Variants in NWD1 observed in about 807,000 individuals in gnomAD.
The protein encoded by NWD1 is NACHT and WD repeat domain containing 1.
NWD1 carries 129 observed loss-of-function variants against 135.1 expected under a neutral mutation model. The observed-to-expected ratio is 0.96, with a 90% CI of 0.83 to 1.11. The LOEUF is 1.11. Among genes scored for constraint, NWD1 ranks in the 50% least tolerant of loss-of-function variants. NWD1 has a pLI of 0.00. For synonymous variants in NWD1, 773 were observed against 786.0 expected (o/e 0.98, Z 0.28); for missense variants, 1,740 against 1,851.3 (o/e 0.94, Z 1.10).
chr19:16,746,036 C>T (rs192533471), intron 5 of NWD1, among the ~76,000 whole-genome samples: 317 of 152,186 alleles, frequency 2.1e-3, no homozygotes, highest in African/African-American at 7.2e-3. Context: ...TCCCCCAAAA[C>T]GTAACTACTA....
intron 17 of NWD1, among the ~76,000 whole-genome samples, chr19:16,806,495 G>A (rs1359789081): frequency 6.6e-6 from 1 of 152,152 alleles, no homozygotes. Flanking sequence ...AAAGGTGGGA[G>A]GATCGTTTGA....
At chr19:16,735,151 T>A (rs1480245070) in intron 3 of NWD1, among the ~76,000 whole-genome samples, 1 of 152,130 alleles carries the variant, frequency 6.6e-6, no homozygotes, top group Non-Finnish European at 1.5e-5. Flanking sequence ...CCCCACACTC[T>A]GTGTCTCCTA....
At chr19:16,754,696 A>T (rs1205277318) in intron 6 of NWD1, among the ~76,000 whole-genome samples, 1 of 135,258 alleles carries the variant, frequency 7.4e-6, no homozygotes, top group Admixed American at 7.4e-5. Flanking sequence ...TCCATCCATC[A>T]TCTCTAGCAT....
chr19:16,793,737 C>T (rs565185514), intron 14 of NWD1, among the ~76,000 whole-genome samples: 7 of 151,568 alleles, frequency 4.6e-5, no homozygotes, highest in South Asian at 4.2e-4. Flanking sequence ...CCACCACGCC[C>T]GGCTAATTTT....
intron 13 of NWD1, among the ~76,000 whole-genome samples, 193 bp from the exon 14 acceptor site, chr19:16,791,157 C>T (rs1446777306): frequency 6.6e-6 from 1 of 152,058 alleles, no homozygotes; most frequent in Non-Finnish European, 1.5e-5. Context: ...TTGCTTGAGC[C>T]CAGGAGGTCG....
rs767138410 is a variant in NWD1, at chr19:16,739,576, TC to T, written c.198+2828del. On this transcript the variant is annotated intron_variant, in intron 4 of 18. Transcript: ENST00000524140. ...AGCTGAGCTGGACTTCCTTCCTGCT[TC>T]CATCTTGAACCAGGCATCACCCCTC... Among the ~76,000 whole-genome samples the T allele has an allele frequency of 7.2e-5, 11 of 152,140 alleles. No homozygotes were observed. In the East Asian group the frequency reaches 7.7e-4, roughly 11 times the overall value.
intron 2 of NWD1, among the ~76,000 whole-genome samples, chr19:16,727,061 G>C (rs1425589689): frequency 6.6e-6 from 1 of 152,178 alleles, no homozygotes; most frequent in Admixed American, 6.6e-5. Context: ...TTTCTTGTCT[G>C]GGCTGTGGGG....
chr19:16,745,541 C>A (rs892701176), intron 5 of NWD1, among the ~76,000 whole-genome samples: 7 of 139,208 alleles, frequency 5.0e-5, no homozygotes, highest in African/African-American at 1.9e-4. Context: ...CCAGCCTGGG[C>A]AATATAGTGA....
chr19:16,737,990 G>GAAAAT (rs1372955980), intron 4 of NWD1, among the ~76,000 whole-genome samples: 1 of 150,516 alleles, frequency 6.6e-6, no homozygotes, highest in East Asian at 1.9e-4. Context: ...GAAAAGAAAA[G>GAAAAT]AAAAGAAAAG....
chr19:16,817,164 G>A lies in NWD1; in HGVS notation c.*2125G>A, dbSNP rs1971087808. 6.6e-6 allele frequency: 1 copy of A among 152,120 alleles called. No individual in the cohort carries two copies. Among genetic ancestry groups the A allele is most frequent in the African/African-American group, 2.4e-5 (1 of 41,414 alleles). 9.4% of individuals were successfully genotyped at this position (152,120 alleles called of 1,614,324 possible). On this transcript the variant is annotated 3_prime_UTR_variant, in exon 19 of 19. Coordinates refer to ENST00000524140, the MANE Select transcript of NWD1 (RefSeq NM_001007525.5). ...AAAATACAAAAATCAGCCAGGCATG[G>A]TGGTGAGTGCCTGTAATCTCAGTTA...
At chr19:16,812,807 G>C (rs755185898) in intron 18 of NWD1, 1 of 781,080 alleles carries the variant, frequency 1.3e-6, no homozygotes, top group Non-Finnish European at 2.4e-6. Context: ...ATGTGTACGT[G>C]GGCTTAAAGG....
chr19:16,759,669 G>T (rs1599480603), intron 7 of NWD1, among the ~76,000 whole-genome samples: 3 of 152,156 alleles, frequency 2.0e-5, no homozygotes, highest in African/African-American at 7.2e-5. Flanking sequence ...TGGAGGCCAG[G>T]AGTTGGAGAT....
chr19:16,806,605 G>A (rs960240816), intron 17 of NWD1, among the ~76,000 whole-genome samples: 1 of 152,202 alleles, frequency 6.6e-6, no homozygotes, highest in South Asian at 2.1e-4. Context: ...CAGTTACTTG[G>A]GGGGCTGAGG....
At chr19:16,729,407 C>T (rs1399785247) in intron 2 of NWD1, among the ~76,000 whole-genome samples, 2 of 151,978 alleles carry the variant, frequency 1.3e-5, no homozygotes, top group African/African-American at 4.8e-5. Context: ...TCCCTCTTCT[C>T]CTTCTTATTC....
intron 12 of NWD1, among the ~76,000 whole-genome samples, chr19:16,785,701 CATA>C (rs1345869150): frequency 1.4e-5 from 2 of 147,778 alleles, no homozygotes; most frequent in African/African-American, 5.0e-5. Flanking sequence ...GTATGTAAAA[CATA>C]ATATATATGT....
chr19:16,797,724 C>A lies in NWD1; in HGVS notation c.3305-8C>A, dbSNP rs753043575. On this transcript the variant is annotated splice_region_variant and splice_polypyrimidine_tract_variant and intron_variant, in intron 15 of 18. Transcript: ENST00000524140. ...TGAGAGGTGTAACCCCAGTTCCTGCCGTTTCAGGCTTTGGAAGATCGGTGC... is the reference window on the plus strand; with the variant it reads ...TGAGAGGTGTAACCCCAGTTCCTGCAGTTTCAGGCTTTGGAAGATCGGTGC... The A allele has an allele frequency of 6.2e-7, 1 of 1,612,418 alleles. No homozygotes were observed. The highest frequency in any genetic ancestry group is 1.1e-5 in the South Asian group (1 of 90,838).
intron 10 of NWD1, among the ~76,000 whole-genome samples, chr19:16,769,458 T>C (rs1480495624): frequency 1.2e-5 from 1 of 81,664 alleles, no homozygotes; most frequent in Admixed American, 1.2e-4. Flanking sequence ...CAAAATTCCA[T>C]TAAAAAAAAA....
chr19:16,764,492 C>T (rs1337422694), intron 9 of NWD1, among the ~76,000 whole-genome samples: 1 of 151,740 alleles, frequency 6.6e-6, no homozygotes, highest in East Asian at 1.9e-4. Context: ...TCCATCCATC[C>T]ACTCATCCTT....
intron 11 of NWD1, among the ~76,000 whole-genome samples, chr19:16,778,475 CT>C (rs1242838770): frequency 2.0e-4 from 27 of 135,136 alleles, no homozygotes; most frequent in African/African-American, 7.8e-4. Context: ...CTTTTCTTTT[CT>C]TTCTTCTTCT....
Sources: allele counts gnomAD v4.1 joint callset (sites outside exome capture counted in the v4.1 genomes callset), GRCh38; gene constraint gnomAD v4.1.1; transcripts MANE v1.5; gene names NCBI Gene and HGNC (gene_info 2026-07-23, HGNC 2026-07-21).